Variants in ULK4 observed in about 807,000 individuals in gnomAD.
ULK4 encodes the protein unc-51 like kinase 4.
Under a neutral mutation model 160.6 loss-of-function variants are expected in ULK4, and 133 were observed. The observed-to-expected ratio is 0.83, with a 90% CI of 0.72 to 0.96. ULK4 has a LOEUF of 0.96. Ranked by LOEUF, ULK4 falls within the 40% of genes least tolerant of loss-of-function variation. The probability of loss-of-function intolerance (pLI) is 0.00; values close to 1 mark genes in which losing one functional copy is unlikely to be tolerated. For synonymous variants in ULK4, 534 were observed against 539.8 expected (o/e 0.99, Z 0.15); for missense variants, 1,580 against 1,499.5 (o/e 1.05, Z -0.89).
chr3:41,708,184 A>T lies in ULK4; in HGVS notation c.2635-2879T>A, dbSNP rs569850671. Among the ~76,000 whole-genome samples, 11 of 152,028 alleles carry T rather than the reference A, an allele frequency of 7.2e-5. No homozygotes were observed. The South Asian group carries it at 2.1e-3, about 29-fold the overall frequency. On this transcript the variant is annotated intron_variant, in intron 25 of 36. Coordinates refer to ENST00000301831, the MANE Select transcript of ULK4 (RefSeq NM_017886.4). Reference sequence around the variant, plus strand: ...CTGAAATAAATACATATACATATATATATATATTTCCAAAGGAAATTAAAT... The same window carrying T: ...CTGAAATAAATACATATACATATATTTATATATTTCCAAAGGAAATTAAAT...
chr3:41,877,604 G>A (rs1316274014), intron 17 of ULK4, among the ~76,000 whole-genome samples: 1 of 152,026 alleles, frequency 6.6e-6, no homozygotes, highest in Non-Finnish European at 1.5e-5. Flanking sequence ...GGTATTACAG[G>A]CATGAGCCAC....
rs79533230 is a variant in ULK4, at chr3:41,788,786, G to C, written c.2193+875C>G. On this transcript the variant is annotated intron_variant, in intron 21 of 36. Transcript: ENST00000301831. ...GAATTCACAATCACAATACACATTA[G>C]CATATTAAAAACTGGGAAAAATTGT... Among the ~76,000 whole-genome samples, 371 of 152,170 alleles carry C rather than the reference G, an allele frequency of 2.4e-3. 1 individual carries two copies. Among genetic ancestry groups the C allele is most frequent in the African/African-American group, 8.0e-3 (331 of 41,542 alleles).
chr3:41,685,169 C>T (rs2125796316), intron 27 of ULK4, among the ~76,000 whole-genome samples: 1 of 152,350 alleles, frequency 6.6e-6, no homozygotes, highest in East Asian at 1.9e-4. Flanking sequence ...TTTCTCTGAT[C>T]TACCTTTGAG....
chr3:41,318,252 T>G (rs1351644508), intron 35 of ULK4, among the ~76,000 whole-genome samples: 1 of 152,018 alleles, frequency 6.6e-6, no homozygotes, highest in Non-Finnish European at 1.5e-5. Flanking sequence ...TTAAGAAGAT[T>G]TTTTTTTAAT....
intron 32 of ULK4, among the ~76,000 whole-genome samples, chr3:41,495,650 A>C (rs911280563): frequency 1.2e-3 from 183 of 151,160 alleles, no homozygotes; most frequent in African/African-American, 4.0e-3. Context: ...CAACCTACAA[A>C]ATGGGAGAAA....
At chr3:41,460,303 C>T (rs778963471) in intron 33 of ULK4, among the ~76,000 whole-genome samples, 5 of 152,136 alleles carry the variant, frequency 3.3e-5, no homozygotes, top group Non-Finnish European at 7.3e-5. Flanking sequence ...AGTCAGGTGA[C>T]CTGAATTAGA....
intron 3 of ULK4, chr3:41,937,487 T>G (rs920529155): frequency 2.1e-5 from 12 of 564,276 alleles, no homozygotes; most frequent in Non-Finnish European, 3.8e-5. Flanking sequence ...TGTTACTCAA[T>G]GTATAAACAG....
chr3:41,431,547 C>CATTTTTTTTTTTTTTTTTTTTTTTTT lies in ULK4; in HGVS notation c.3492+23949_3492+23950insAAAAAAAAAAAAAAAAAAAAAAAAAT, dbSNP rs563543377. ...CCTGTGAGGTGTTGTAATTCCCTCC[C>CATTTTTTTTTTTTTTTTTTTTTTTTT]TTTTTTTTTTTTTTTGATGTGGAAA... On this transcript the variant is annotated intron_variant, in intron 34 of 36. Transcript: ENST00000301831. Among the ~76,000 whole-genome samples the CATTTTTTTTTTTTTTTTTTTTTTTTT allele has an allele frequency of 1.6e-4, 15 of 95,862 alleles. 1 individual carries two copies. The highest frequency in any genetic ancestry group is 6.3e-4 in the African/African-American group (15 of 23,682). The allele number at this position is 95,862 out of a possible 152,430, so 62.9% of individuals were successfully genotyped here.
At chr3:41,355,851 G>A (rs896869215) in intron 35 of ULK4, among the ~76,000 whole-genome samples, 1 of 152,172 alleles carries the variant, frequency 6.6e-6, no homozygotes, top group Non-Finnish European at 1.5e-5. Context: ...AACTAGCACT[G>A]TCTCATATTT....
rs769586708 is a variant in ULK4 at position 41,432,889 on chromosome 3, T to TA, written c.3492+22607_3492+22608insT. Among the ~76,000 whole-genome samples, 64 of 140,430 alleles carry TA rather than the reference T, an allele frequency of 4.6e-4. 1 individual carries two copies. Among genetic ancestry groups the TA allele is most frequent in the East Asian group, 1.4e-3 (7 of 5,054 alleles). 92.1% of individuals were successfully genotyped at this position (140,430 alleles called of 152,430 possible). A position where few individuals can be genotyped will look rare whatever the true frequency, so the allele number is the denominator to read the frequency against. ...AATCCTGAACAAATCAAATAAACGT[T>TA]TAAAAAAAAAAACCATGGAAGTAGT... On this transcript the variant is annotated intron_variant, in intron 34 of 36. Transcript: ENST00000301831.
intron 36 of ULK4, 61 bp from the exon 37 acceptor site, chr3:41,247,053 C>T: frequency 7.2e-6 from 11 of 1,532,224 alleles, no homozygotes; most frequent in Non-Finnish European, 8.0e-6. Flanking sequence ...GTGCTCCCCC[C>T]TTTCAAAGGG....
At chr3:41,708,198 AG>A (rs2036972147) in intron 25 of ULK4, among the ~76,000 whole-genome samples, 1 of 147,148 alleles carries the variant, frequency 6.8e-6, no homozygotes, top group Non-Finnish European at 1.5e-5. Context: ...ATATTTCCAA[AG>A]GAAATTAAAT....
chr3:41,876,509 A>G (rs1697307781), intron 17 of ULK4, among the ~76,000 whole-genome samples: 1 of 152,226 alleles, frequency 6.6e-6, no homozygotes, highest in Non-Finnish European at 1.5e-5. Context: ...AACAGTTTAG[A>G]TTACCCCCTA....
At chr3:41,438,977 TTA>T (rs1491329627) in intron 34 of ULK4, among the ~76,000 whole-genome samples, 134 of 125,238 alleles carry the variant, frequency 1.1e-3, no homozygotes, top group African/African-American at 4.4e-3. Context: ...CCAGGAAAAT[TTA>T]AAAAAAAAAA....
chr3:41,931,700 T>C, intron 5 of ULK4, 144 bp downstream of exon 5: 1 of 1,012,834 alleles, frequency 9.9e-7, no homozygotes, highest in Non-Finnish European at 1.5e-6. Context: ...GCCATTCCTA[T>C]GCCCAGACTA....
chr3:41,394,325 T>C (rs1414475978), intron 35 of ULK4, among the ~76,000 whole-genome samples: 2 of 152,104 alleles, frequency 1.3e-5, no homozygotes, highest in Non-Finnish European at 2.9e-5. Context: ...AGTATCACAC[T>C]CCTCTTTGGG....
At chr3:41,299,913 T>G (rs1174100984) in intron 35 of ULK4, among the ~76,000 whole-genome samples, 8 of 152,208 alleles carry the variant, frequency 5.3e-5, no homozygotes, top group Admixed American at 5.2e-4. Context: ...AGCTTATACA[T>G]CTAACATATT....
intron 31 of ULK4, among the ~76,000 whole-genome samples, chr3:41,574,531 CTT>C (rs568406782): frequency 8.1e-4 from 75 of 92,088 alleles, no homozygotes; most frequent in African/African-American, 2.5e-3. Flanking sequence ...CCAGAGTCCT[CTT>C]TTTTTTTTTT....
intron 27 of ULK4, among the ~76,000 whole-genome samples, chr3:41,690,783 G>C (rs2036271601): frequency 6.6e-6 from 1 of 151,876 alleles, no homozygotes; most frequent in African/African-American, 2.4e-5. Flanking sequence ...TATGTTTCCA[G>C]GTAACTGCTT....
Sources: gnomAD v4.1 joint callset for allele counts (sites outside exome capture counted in the v4.1 genomes callset) on GRCh38, gnomAD v4.1.1 for gene constraint, MANE v1.5 for transcripts, NCBI Gene and HGNC (gene_info 2026-07-23, HGNC 2026-07-21) for gene names.